Variants in REV3L observed in about 807,000 individuals in gnomAD.
REV3L encodes DNA polymerase zeta catalytic subunit.
REV3L carries 69 observed loss-of-function variants against 299.4 expected under a neutral mutation model. The ratio of observed to expected loss-of-function variants is 0.23; its 90% CI spans 0.19 to 0.28. The LOEUF (loss-of-function observed/expected upper bound fraction) is 0.28. REV3L is among the 10% of genes least tolerant of loss of function. The probability of loss-of-function intolerance (pLI) is 1.00; values close to 1 mark genes in which losing one functional copy is unlikely to be tolerated. For missense variants in REV3L, 3,128 were observed against 3,693.8 expected (o/e 0.85, Z 3.97); for synonymous variants, 1,238 against 1,271.4 (o/e 0.97, Z 0.56).
Position 111,387,772 on chromosome 6 carries a change from T to G in REV3L, c.1089A>C (p.Ser363=), listed in dbSNP as rs1582800656. Reference sequence around the variant, plus strand: ...ATGAAAAGAAAATCTTACCTTTGCTTGACTCTTTGTCTTTGTGAACTTCTA... The same window carrying G: ...ATGAAAAGAAAATCTTACCTTTGCTGGACTCTTTGTCTTTGTGAACTTCTA... ...NMVEVHKDKE[S]SKGHTRHKVE... The change falls in exon 9 of 32, where the codon TCA becomes TCC. Residue 363 remains serine (S), a synonymous_variant. Coordinates refer to ENST00000368802, the MANE Select transcript of REV3L (RefSeq NM_001372078.1). 6.2e-7 allele frequency: 1 copy of G among 1,613,836 alleles called. No individual in the cohort carries two copies. Among genetic ancestry groups the G allele is most frequent in the Non-Finnish European group, 8.5e-7 (1 of 1,179,828 alleles).
intron 26 of REV3L, among the ~76,000 whole-genome samples, chr6:111,320,234 A>G (rs958010293): frequency 4.6e-5 from 7 of 151,964 alleles, no homozygotes; most frequent in Non-Finnish European, 1.0e-4. Flanking sequence ...ACGCCCAGCT[A>G]ATTTTGTATT....
intron 9 of REV3L, among the ~76,000 whole-genome samples, chr6:111,383,594 C>G (rs1349283297): frequency 6.6e-6 from 1 of 151,962 alleles, no homozygotes; most frequent in Non-Finnish European, 1.5e-5. Flanking sequence ...AACACTGATG[C>G]AAGAAATTGA....
intron 1 of REV3L, among the ~76,000 whole-genome samples, chr6:111,417,398 T>C (rs1301181763): frequency 6.6e-6 from 1 of 152,216 alleles, no homozygotes; most frequent in African/African-American, 2.4e-5. Context: ...TTGTCCCTAG[T>C]TCCCCTTGGG....
At chr6:111,355,030 CAT>C (rs1035729173) in intron 18 of REV3L, among the ~76,000 whole-genome samples, 4 of 151,910 alleles carry the variant, frequency 2.6e-5, no homozygotes, top group African/African-American at 7.3e-5. Flanking sequence ...AGGGAAGAAT[CAT>C]AGTTATATTT....
chr6:111,399,493 G>A (rs1782870565), intron 4 of REV3L, among the ~76,000 whole-genome samples: 1 of 152,274 alleles, frequency 6.6e-6, no homozygotes, highest in South Asian at 2.1e-4. Flanking sequence ...TCCTCTTTCT[G>A]TTCCAGGATC....
intron 4 of REV3L, among the ~76,000 whole-genome samples, chr6:111,395,423 C>A (rs1782390100): frequency 6.6e-6 from 1 of 152,084 alleles, no homozygotes. Context: ...CCTATACAAC[C>A]TTTACTTCCT....
intron 1 of REV3L, among the ~76,000 whole-genome samples, chr6:111,476,284 T>C (rs914633593): frequency 2.6e-5 from 4 of 152,150 alleles, no homozygotes; most frequent in African/African-American, 9.7e-5. Context: ...GCCTCCCAAG[T>C]AGCTGGAACC....
chr6:111,303,934 C>T (rs1419422710), intron 31 of REV3L, among the ~76,000 whole-genome samples: 5 of 151,730 alleles, frequency 3.3e-5, no homozygotes, highest in East Asian at 3.9e-4. Flanking sequence ...GTTGGCCAAA[C>T]GTTTCAAACT....
chr6:111,303,084 T>G lies in REV3L; in HGVS notation c.9253-2928A>C, dbSNP rs139082621. Among the ~76,000 whole-genome samples the G allele has an allele frequency of 5.5e-3, 834 of 152,104 alleles. 32 individuals carry two copies. Among genetic ancestry groups the G allele is most frequent in the Admixed American group, 0.05 (770 of 15,254 alleles). ...ATCACTTTTTTTTTTAGTTTGTAAT[T>G]AATTACCATTTTATAGCATTGTATT... On this transcript the variant is annotated intron_variant, in intron 31 of 31. Coordinates refer to ENST00000368802, the MANE Select transcript of REV3L (RefSeq NM_001372078.1).
In REV3L at chr6:111,367,190, G is replaced by A. The variant is rs765937524; in HGVS notation, c.6598C>T (p.His2200Tyr). ...RTGKCESLCF[H>Y]STPIIQRKLL... ...TTTCTCTGTATGATTGGTGTACTAT[G>A]AAAGCAAAGTGATTCACATTTCCCA... The change falls in exon 14 of 32, where the codon CAT becomes TAT. Residue 2200 changes from histidine (H) to tyrosine (Y), a missense_variant. His to Tyr is a moderately conservative substitution (Grantham distance 83). Around this residue, in one of 9 missense-constraint regions of REV3L, gnomAD observed 2,409 missense variants for 2,611.8 expected, o/e 0.92. Coordinates refer to ENST00000368802, the MANE Select transcript of REV3L (RefSeq NM_001372078.1). The A allele has an allele frequency of 2.0e-5, 32 of 1,613,804 alleles. No homozygotes were observed. The highest frequency in any genetic ancestry group is 2.5e-5 in the Non-Finnish European group (29 of 1,179,934).
At position 111,411,518 on chromosome 6, in the gene REV3L, A is replaced by G. The variant is rs759791465; in HGVS notation, c.366T>C (p.Phe122=). Reference sequence around the variant, plus strand: ...TAGGATTGTAAAGATAGATCTTCATAAAGTGTCTTTCCTTCTCATGATAAC... The same window carrying G: ...TAGGATTGTAAAGATAGATCTTCATGAAGTGTCTTTCCTTCTCATGATAAC... ...FYGYHEKERH[F]MKIYLYNPTM... The change falls in exon 3 of 32, where the codon TTT becomes TTC. Residue 122 remains phenylalanine, a synonymous_variant. Coordinates refer to ENST00000368802, the MANE Select transcript of REV3L (RefSeq NM_001372078.1). The G allele has an allele frequency of 3.8e-6, 6 of 1,591,452 alleles. No individual in the cohort carries two copies. Among genetic ancestry groups the G allele is most frequent in the Non-Finnish European group, 5.1e-6 (6 of 1,165,904 alleles).
intron 1 of REV3L, among the ~76,000 whole-genome samples, chr6:111,468,048 T>C (rs1431039837): frequency 6.6e-6 from 1 of 152,212 alleles, no homozygotes; most frequent in Non-Finnish European, 1.5e-5. Flanking sequence ...CCAGAGGTTA[T>C]GATCCTACTC....
Position 111,317,623 on chromosome 6 carries a change from T to G in REV3L, c.8352-2242A>C, listed in dbSNP as rs373811512. On this transcript the variant is annotated intron_variant, in intron 26 of 31. Transcript: ENST00000368802. Reference sequence around the variant, plus strand: ...TTTTCAGTCTATTCCTGGCCCCAGGTTCAATACATAAGACTTGCTTTCTGT... The same window carrying G: ...TTTTCAGTCTATTCCTGGCCCCAGGGTCAATACATAAGACTTGCTTTCTGT... 1.2e-3 allele frequency among the ~76,000 whole-genome samples: 184 copies of G among 152,228 alleles called. 5 individuals carry two copies. In the South Asian group the frequency reaches 0.037, roughly 31 times the overall value.
chr6:111,382,504 G>A (rs1219056310), intron 9 of REV3L, among the ~76,000 whole-genome samples: 2 of 152,136 alleles, frequency 1.3e-5, no homozygotes, highest in Non-Finnish European at 2.9e-5. Flanking sequence ...AGAGCGACAC[G>A]GTATAGAATT....
chr6:111,442,157 C>T (rs143838722), intron 1 of REV3L, among the ~76,000 whole-genome samples: 15 of 152,282 alleles, frequency 9.9e-5, no homozygotes, highest in African/African-American at 3.1e-4. Context: ...CTAAAAATGT[C>T]AATTAGACTG....
chr6:111,390,029 C>CA (rs1554217652), intron 6 of REV3L, 57 bp downstream of exon 6: 12 of 1,262,616 alleles, frequency 9.5e-6, no homozygotes, highest in Middle Eastern at 2.6e-4. Flanking sequence ...CCACCACACC[C>CA]GCCGGTCATT....
intron 1 of REV3L, among the ~76,000 whole-genome samples, chr6:111,462,558 T>C (rs1473008969): frequency 6.6e-6 from 1 of 152,042 alleles, no homozygotes; most frequent in Admixed American, 6.6e-5. Context: ...TATAAACATA[T>C]GGAAAAACTC....
In REV3L at chr6:111,386,673, G is replaced by T. The variant is rs144265756; in HGVS notation, c.1096+1092C>A. The stretch of plus-strand genomic sequence containing the variant: ...TATTGATATCATTTTACAACTTTAT[G>T]ATATTTATCCTAAAATTTATGCTTT... On this transcript the variant is annotated intron_variant, in intron 9 of 31. Coordinates refer to ENST00000368802, the MANE Select transcript of REV3L (RefSeq NM_001372078.1). Among the ~76,000 whole-genome samples the T allele has an allele frequency of 2.0e-5, 3 of 148,428 alleles. No individual in the cohort carries two copies. In the East Asian group the frequency reaches 5.9e-4, roughly 29 times the overall value.
At chr6:111,410,996 G>C (rs748491215) in intron 3 of REV3L, among the ~76,000 whole-genome samples, 1 of 152,070 alleles carries the variant, frequency 6.6e-6, no homozygotes, top group African/African-American at 2.4e-5. Flanking sequence ...TAGAGGCAGG[G>C]AGACTAACTG....
Sources: gnomAD v4.1 joint callset for allele counts (sites outside exome capture counted in the v4.1 genomes callset) on GRCh38, gnomAD v4.1.1 for gene constraint, gnomAD v4.1.1 regional missense constraint, MANE v1.5 for transcripts, NCBI Gene and HGNC (gene_info 2026-07-23, HGNC 2026-07-21) for gene names.